The following FHIP2A variants were observed in gnomAD, a reference collection of about 807,000 sequenced individuals.
FHIP2A encodes the protein FHF complex subunit HOOK interacting protein 2A.
In FHIP2A, 46 loss-of-function variants were observed where a neutral mutation model predicts 93.5. That is an observed-to-expected ratio of 0.49 (90% CI 0.39 to 0.63). FHIP2A has a LOEUF of 0.63. FHIP2A is among the 20% of genes least tolerant of loss of function. The probability of loss-of-function intolerance (pLI) is 0.00; values close to 1 mark genes in which losing one functional copy is unlikely to be tolerated. For synonymous variants in FHIP2A, 332 were observed against 326.5 expected, an observed-to-expected ratio of 1.02 and a Z score of -0.18; for missense variants, 769 against 909.7, an observed-to-expected ratio of 0.85 and a Z score of 1.99.
At chr10:114,879,859 C>A (rs558305229) in intron 16 of FHIP2A, among the ~76,000 whole-genome samples, 11 of 152,126 alleles carry the variant, frequency 7.2e-5, no homozygotes, top group Admixed American at 5.2e-4. Context: ...GAGGCTCTCG[C>A]GGTGTGCCCA....
At chr10:114,827,055 A>G (rs2083580917) in intron 1 of FHIP2A, among the ~76,000 whole-genome samples, 1 of 152,210 alleles carries the variant, frequency 6.6e-6, no homozygotes, top group African/African-American at 2.4e-5. Context: ...GTAAAAGCAG[A>G]GGTGGCTTTT....
chr10:114,879,596 C>T (rs2083906645), intron 16 of FHIP2A, among the ~76,000 whole-genome samples: 1 of 152,196 alleles, frequency 6.6e-6, no homozygotes, highest in Non-Finnish European at 1.5e-5. Context: ...ATTCCCCTTT[C>T]TTGCAATAAC....
chr10:114,862,300 G>A lies in FHIP2A; in HGVS notation c.*760G>A, dbSNP rs1025112081. 2.0e-6 allele frequency: 2 copies of A among 987,366 alleles called. No homozygotes were observed. The highest frequency in any genetic ancestry group is 2.9e-4 in the Middle Eastern group (1 of 3,466). The allele number at this position is 987,366 out of a possible 1,614,324, so 61.2% of individuals were successfully genotyped here. The stretch of plus-strand genomic sequence containing the variant: ...GTTCAATTTGCTCACCATTGGTAGT[G>A]TTTGCTAAAATTGTATTTTTTTAAG... On this transcript the variant is annotated 3_prime_UTR_variant, in exon 17 of 17. Transcript: ENST00000369248.
intron 5 of FHIP2A, among the ~76,000 whole-genome samples, chr10:114,841,450 G>A (rs767715652): frequency 2.0e-5 from 3 of 151,928 alleles, no homozygotes; most frequent in East Asian, 1.9e-4. Flanking sequence ...ATGCCACCAC[G>A]CCCAGCTAAT....
intron 16 of FHIP2A, among the ~76,000 whole-genome samples, chr10:114,877,375 A>G (rs2143014795): frequency 1.3e-5 from 2 of 152,264 alleles, no homozygotes; most frequent in East Asian, 3.9e-4. Context: ...AAATCCCGCA[A>G]AATATGGATA....
At chr10:114,873,355 T>C (rs1270095900) in intron 16 of FHIP2A, among the ~76,000 whole-genome samples, 1 of 152,196 alleles carries the variant, frequency 6.6e-6, no homozygotes, top group Non-Finnish European at 1.5e-5. Flanking sequence ...TTTAGTCATA[T>C]CTTATCAAGA....
At position 114,833,230 on chromosome 10, in the gene FHIP2A, T is replaced by C. The variant is rs753766489; in HGVS notation, c.125-3T>C. 4 of 1,598,764 alleles carry C rather than the reference T, an allele frequency of 2.5e-6. No individual in the cohort carries two copies. The African/African-American group carries it at 4.0e-5, about 16-fold the overall frequency. On this transcript the variant is annotated splice_polypyrimidine_tract_variant and splice_region_variant and intron_variant, in intron 2 of 16. Coordinates refer to ENST00000369248, the MANE Select transcript of FHIP2A (RefSeq NM_020940.4). ...TATTTGATGAATGTTTTTTATTGTT[T>C]AGATGATAAAGCCCCAGTGACCGAT...
At position 114,862,357 on chromosome 10, in the gene FHIP2A, T is replaced by C. The variant is rs1156954573; in HGVS notation, c.*817T>C. On this transcript the variant is annotated 3_prime_UTR_variant, in exon 17 of 17. Coordinates refer to ENST00000369248, the MANE Select transcript of FHIP2A (RefSeq NM_020940.4). ...AACATGTACTGGGTTGAGAACCTTTTTCCCCCCTCTCCCTCTCAGAAAATT... is the reference window on the plus strand; with the variant it reads ...AACATGTACTGGGTTGAGAACCTTTCTCCCCCCTCTCCCTCTCAGAAAATT... 1.1e-5 allele frequency: 11 copies of C among 987,416 alleles called. No homozygotes were observed. Among genetic ancestry groups the C allele is most frequent in the Middle Eastern group, 2.8e-4 (1 of 3,568 alleles). The allele number at this position is 987,416 out of a possible 1,614,324, so 61.2% of individuals were successfully genotyped here.
chr10:114,845,142 TCTC>T (rs1046266351), intron 7 of FHIP2A, among the ~76,000 whole-genome samples: 3 of 152,176 alleles, frequency 2.0e-5, no homozygotes, highest in Admixed American at 6.5e-5. Flanking sequence ...TAACCTCTCT[TCTC>T]CTACTTAATA....
intron 16 of FHIP2A, among the ~76,000 whole-genome samples, chr10:114,878,070 A>G (rs574636704): frequency 2.1e-4 from 32 of 152,080 alleles, no homozygotes; most frequent in Non-Finnish European, 4.1e-4. Flanking sequence ...GAATCCCTCT[A>G]TTTCTATTCA....
intron 16 of FHIP2A, among the ~76,000 whole-genome samples, chr10:114,884,454 C>T (rs1045449679): frequency 6.6e-6 from 1 of 152,198 alleles, no homozygotes; most frequent in African/African-American, 2.4e-5. Context: ...CTTAAATTCT[C>T]TGAACCTCTT....
At chr10:114,867,140 C>T (rs980640987), downstream of FHIP2A, among the ~76,000 whole-genome samples, 2 of 149,050 alleles carry the variant, frequency 1.3e-5, no homozygotes, top group Non-Finnish European at 3.0e-5. Flanking sequence ...ACTGGGGAGG[C>T]GGAGGTTTCA....
At chr10:114,874,031 G>GTATTGGA (rs1177942400) in intron 16 of FHIP2A, among the ~76,000 whole-genome samples, 9 of 152,168 alleles carry the variant, frequency 5.9e-5, no homozygotes. Context: ...CGAGGAAAGG[G>GTATTGGA]TATTGGACTA....
intron 1 of FHIP2A, among the ~76,000 whole-genome samples, chr10:114,828,307 C>G (rs2083589271): frequency 6.6e-6 from 1 of 152,198 alleles, no homozygotes. Context: ...TGCACTAAGA[C>G]TTCTCTGTCT....
chr10:114,837,083 T>C (rs1233782272), intron 5 of FHIP2A, among the ~76,000 whole-genome samples: 1 of 151,878 alleles, frequency 6.6e-6, no homozygotes, highest in Non-Finnish European at 1.5e-5. Flanking sequence ...TTAAGTTTTT[T>C]TGTAGAGACA....
chr10:114,830,831 T>C (rs1189452949), intron 1 of FHIP2A, 21 bp from the exon 2 acceptor site: 2 of 1,545,306 alleles, frequency 1.3e-6, no homozygotes, highest in Non-Finnish European at 1.8e-6. Context: ...TCTTAATTGT[T>C]GTGGTCTTTT....
At chr10:114,897,891 A>G (rs1454751287) in intron 16 of FHIP2A, among the ~76,000 whole-genome samples, 3 of 152,200 alleles carry the variant, frequency 2.0e-5, no homozygotes, top group Non-Finnish European at 4.4e-5. Flanking sequence ...CCTGGATGAC[A>G]AGACTCTATC....
At chr10:114,896,144 A>T (rs2084000230) in intron 16 of FHIP2A, among the ~76,000 whole-genome samples, 1 of 152,144 alleles carries the variant, frequency 6.6e-6, no homozygotes, top group Non-Finnish European at 1.5e-5. Flanking sequence ...GGGAAGAGGA[A>T]CCATGTCTGG....
intron 16 of FHIP2A, among the ~76,000 whole-genome samples, chr10:114,888,679 T>C (rs2083955068): frequency 6.6e-6 from 1 of 152,166 alleles, no homozygotes; most frequent in Non-Finnish European, 1.5e-5. Flanking sequence ...CTTAGCTCAC[T>C]GCAAACTCCG....
Sources: allele counts gnomAD v4.1 joint callset (sites outside exome capture counted in the v4.1 genomes callset), GRCh38; gene constraint gnomAD v4.1.1; transcripts MANE v1.5; gene names NCBI Gene and HGNC (gene_info 2026-07-23, HGNC 2026-07-21).